CCDC148: variants seen among roughly 807,000 people sequenced by gnomAD.
CCDC148 encodes coiled-coil domain containing 148, also known as coiled-coil domain-containing protein 148.
In CCDC148, 89 loss-of-function variants were observed where a neutral mutation model predicts 85.7. That is an observed-to-expected ratio of 1.04 (90% confidence interval 0.87 to 1.24). The LOEUF is 1.24. Among genes scored for constraint, CCDC148 ranks in the 50% most tolerant of loss-of-function variants. CCDC148 has a pLI of 0.00. For synonymous variants in CCDC148, 230 were observed against 213.9 expected, an observed-to-expected ratio of 1.08 and a Z score of -0.66; for missense variants, 692 against 671.7, an observed-to-expected ratio of 1.03 and a Z score of -0.33.
At chr2:158,217,364 G>C (rs916441697) in intron 11 of CCDC148, among the ~76,000 whole-genome samples, 1 of 66,888 alleles carries the variant, frequency 1.5e-5, no homozygotes, top group African/African-American at 4.5e-5. Flanking sequence ...ATAAAATTTT[G>C]TGTGTGTGTG....
intron 9 of CCDC148, among the ~76,000 whole-genome samples, chr2:158,292,538 T>TAA (rs1690943373): frequency 6.6e-6 from 1 of 152,220 alleles, no homozygotes; most frequent in Admixed American, 6.5e-5. Context: ...AAAGCTTTCC[T>TAA]GTGCCATCCG....
At chr2:158,345,686 G>A (rs190106977) in intron 2 of CCDC148, among the ~76,000 whole-genome samples, 2 of 152,188 alleles carry the variant, frequency 1.3e-5, no homozygotes, top group East Asian at 3.9e-4. Flanking sequence ...AGGCATAATA[G>A]CCATCTTTAT....
intron 1 of CCDC148, chr2:158,393,398 C>G (rs1381839216): frequency 6.6e-6 from 1 of 151,996 alleles, no homozygotes; most frequent in African/African-American, 2.4e-5. Context: ...GGATGGAGGG[C>G]CAAGGTGGAG....
At chr2:158,445,541 A>G (rs1293263003) in intron 1 of CCDC148, among the ~76,000 whole-genome samples, 1 of 152,164 alleles carries the variant, frequency 6.6e-6, no homozygotes, top group African/African-American at 2.4e-5. Flanking sequence ...AGATTAAAAT[A>G]TAGTCTTTCA....
intron 10 of CCDC148, among the ~76,000 whole-genome samples, chr2:158,227,712 T>C (rs892847032): frequency 1.3e-5 from 2 of 152,192 alleles, no homozygotes; most frequent in African/African-American, 4.8e-5. Flanking sequence ...GGGGAAATGA[T>C]TCCCTATTTA....
At chr2:158,428,518 C>T (rs1687178567) in intron 1 of CCDC148, among the ~76,000 whole-genome samples, 1 of 151,732 alleles carries the variant, frequency 6.6e-6, no homozygotes, top group African/African-American at 2.4e-5. Context: ...GATGTCAAAG[C>T]AGGCAGGAGG....
rs138757470 is a variant in CCDC148, at chr2:158,367,831, G to A, written c.26-9261C>T. On this transcript the variant is annotated intron_variant, in intron 1 of 13. Transcript: ENST00000283233. ...CCTTTCAAAAACATTGAGGGCCTGT[G>A]AACTAAAGCTGAGGTATTATAAAAC... Among the ~76,000 whole-genome samples, 682 of 152,232 alleles carry A rather than the reference G, an allele frequency of 4.5e-3. 4 individuals carry two copies. Among genetic ancestry groups the A allele is most frequent in the Non-Finnish European group, 8.3e-3 (567 of 68,000 alleles).
intron 1 of CCDC148, among the ~76,000 whole-genome samples, chr2:158,435,213 A>C (rs1210332423): frequency 1.3e-5 from 2 of 152,196 alleles, no homozygotes; most frequent in Non-Finnish European, 2.9e-5. Context: ...AAAAATGTTA[A>C]AGACAGCCAG....
chr2:158,358,648 T>C (rs1186488284), intron 1 of CCDC148, 78 bp from the exon 2 acceptor site: 4 of 918,354 alleles, frequency 4.4e-6, no homozygotes, highest in Non-Finnish European at 3.1e-6. Flanking sequence ...TAGGGCAACA[T>C]GTTGACTTCA....
chr2:158,173,274 A>G (rs1684404810), intron 13 of CCDC148, among the ~76,000 whole-genome samples: 1 of 152,040 alleles, frequency 6.6e-6, no homozygotes, highest in Non-Finnish European at 1.5e-5. Flanking sequence ...AACTTGGGAT[A>G]AGGGTGGTTT....
chr2:158,288,786 A>G (rs1690753742), intron 9 of CCDC148: 1 of 398,862 alleles, frequency 2.5e-6, no homozygotes, highest in Non-Finnish European at 4.9e-6. Context: ...TACTGGTACC[A>G]ATTTACTGTA....
chr2:158,235,787 AC>A (rs1688076902), intron 10 of CCDC148: 3 of 152,206 alleles, frequency 2.0e-5, no homozygotes, highest in African/African-American at 7.2e-5. Context: ...TAAGCGGACA[AC>A]CGACAAAGGA....
intron 1 of CCDC148, among the ~76,000 whole-genome samples, chr2:158,369,592 G>C (rs1397165867): frequency 6.6e-6 from 1 of 152,050 alleles, no homozygotes; most frequent in Non-Finnish European, 1.5e-5. Flanking sequence ...GGGTTTTCTA[G>C]ATATAGGATC....
intron 13 of CCDC148, among the ~76,000 whole-genome samples, chr2:158,174,086 A>T (rs6724350): frequency 0.93 from 140,658 of 152,020 alleles, 65,123 homozygotes; most frequent in East Asian, 0.98. Context: ...TGTATTCTTA[A>T]ATGGTTAATG....
intron 1 of CCDC148, among the ~76,000 whole-genome samples, chr2:158,443,501 C>CAAAAAAAAAAAAAAA (rs1226963790): frequency 5.1e-5 from 3 of 59,332 alleles, no homozygotes; most frequent in South Asian, 6.8e-4. Flanking sequence ...AAGTCTATCT[C>CAAAAAAAAAAAAAAA]AAAAAAAAAA....
intron 9 of CCDC148, among the ~76,000 whole-genome samples, chr2:158,305,755 TA>T (rs56227304): frequency 0.46 from 40,316 of 87,582 alleles, 9,001 homozygotes; most frequent in Middle Eastern, 0.56. Context: ...CCCTGTCTCT[TA>T]AAAAAAAAAA....
intron 1 of CCDC148, chr2:158,425,056 C>T (rs576754112): frequency 1.6e-5 from 7 of 449,778 alleles, no homozygotes; most frequent in South Asian, 8.0e-5. Context: ...CCTAGGGGGT[C>T]GTGACCAAGG....
intron 1 of CCDC148, among the ~76,000 whole-genome samples, chr2:158,429,513 T>C (rs1687241187): frequency 6.6e-6 from 1 of 151,944 alleles, no homozygotes. Flanking sequence ...AGGAGAAAAA[T>C]CAGATTAGTA....
Position 158,200,871 on chromosome 2 carries a change from G to A in CCDC148, c.1370+19724C>T, listed in dbSNP as rs960199416. Among the ~76,000 whole-genome samples the A allele has an allele frequency of 6.6e-5, 10 of 152,168 alleles. No individual in the cohort carries two copies. In the East Asian group the frequency reaches 7.7e-4, roughly 12 times the overall value. On this transcript the variant is annotated intron_variant, in intron 11 of 13. Coordinates refer to ENST00000283233, the MANE Select transcript of CCDC148 (RefSeq NM_138803.4). ...AGTTTCACCATCCATTGATGATCTA[G>A]AATTATTACATTAGGAAATAAAAAA...
Sources: gnomAD v4.1 joint callset for allele counts (sites outside exome capture counted in the v4.1 genomes callset) on GRCh38, gnomAD v4.1.1 for gene constraint, MANE v1.5 for transcripts, NCBI Gene and HGNC (gene_info 2026-07-23, HGNC 2026-07-21) for gene names.